HSPH1: variants seen among roughly 807,000 people sequenced by gnomAD.
HSPH1 encodes the protein heat shock protein family H (Hsp110) member 1.
In HSPH1, 40 loss-of-function variants were observed where a neutral mutation model predicts 100.0. The ratio of observed to expected loss-of-function variants is 0.40; its 90% CI spans 0.31 to 0.52. HSPH1 has a LOEUF of 0.52. Among genes scored for constraint, HSPH1 ranks in the 20% least tolerant of loss-of-function variants. HSPH1 has a pLI of 0.54. For missense variants in HSPH1, 876 were observed against 1,015.1 expected (o/e 0.86, Z 1.86); for synonymous variants, 403 against 344.0 (o/e 1.17, Z -1.90).
chr13:31,162,244 G>C (rs911672855), upstream of HSPH1: 13 of 744,588 alleles, frequency 1.7e-5, no homozygotes, highest in Non-Finnish European at 8.8e-6. Context: ...CCGGGAGGTG[G>C]TGTCCGATCC....
At position 31,154,613 on chromosome 13, in the gene HSPH1, C is replaced by T. The variant is rs773698327; in HGVS notation, c.429+20G>A. On this transcript the variant is annotated intron_variant, in intron 4 of 17. Coordinates refer to ENST00000320027, the MANE Select transcript of HSPH1 (RefSeq NM_006644.4). The stretch of plus-strand genomic sequence containing the variant: ...CGCAAAAATGAAATAAAACACACTG[C>T]CTTGCTGAATTATACTTACTGAAAT... 3.7e-6 allele frequency: 6 copies of T among 1,613,790 alleles called. No individual in the cohort carries two copies. Among genetic ancestry groups the T allele is most frequent in the South Asian group, 1.1e-5 (1 of 91,070 alleles).
At chr13:31,156,579 T>A (rs202243225) in intron 2 of HSPH1, among the ~76,000 whole-genome samples, 16 of 139,108 alleles carry the variant, frequency 1.2e-4, no homozygotes, top group African/African-American at 4.0e-4. Flanking sequence ...AAAAAAAAAA[T>A]TAAAGTTAAT....
At chr13:31,155,820 TTTTA>T (rs1328592844) in intron 2 of HSPH1, among the ~76,000 whole-genome samples, 166 bp from the exon 3 acceptor site, 3 of 152,316 alleles carry the variant, frequency 2.0e-5, no homozygotes, top group Admixed American at 2.0e-4. Context: ...TATGAACAGA[TTTTA>T]TTTATACTTT....
chr13:31,148,483 TAAA>T lies in HSPH1; in HGVS notation c.1138-6_1138-4del, dbSNP rs35594388. On this transcript the variant is annotated splice_polypyrimidine_tract_variant and splice_region_variant and intron_variant, in intron 8 of 17. Coordinates refer to ENST00000320027, the MANE Select transcript of HSPH1 (RefSeq NM_006644.4). The stretch of plus-strand genomic sequence containing the variant: ...AATGCCGGGGAAAGTATTGCACACT[TAAA>T]AAAAAAAAAAAAAATCATGAGCACA... 8,936 of 973,754 alleles carry T rather than the reference TAAA, an allele frequency of 9.2e-3. No homozygotes were observed. Among genetic ancestry groups the T allele is most frequent in the Non-Finnish European group, 0.01 (7,454 of 717,724 alleles). 60.3% of individuals were successfully genotyped at this position (973,754 alleles called of 1,614,324 possible).
rs1188310383 is a variant in HSPH1 at position 31,158,806 on chromosome 13, C to T, written c.165G>A (p.Gln55=). ...NRTIGVAAKN[Q]QITHANNTVS... ...ATCCGAATTCTCTTAAAGAACATAC[C>T]TGATTTTTGGCTGCAACTCCGATTG... Residue 55 remains glutamine, a splice_region_variant and synonymous_variant, in exon 2 of 18, where the codon CAG becomes CAA. Transcript: ENST00000320027. 2 of 1,597,900 alleles carry T rather than the reference C, an allele frequency of 1.3e-6. No individual in the cohort carries two copies. Among genetic ancestry groups the T allele is most frequent in the South Asian group, 2.2e-5 (2 of 90,782 alleles).
intron 1 of HSPH1, among the ~76,000 whole-genome samples, chr13:31,161,106 C>T (rs895297336): frequency 6.6e-6 from 1 of 152,172 alleles, no homozygotes; most frequent in South Asian, 2.1e-4. Context: ...CGGGGGCGGC[C>T]GCGGAAGGCG....
intron 11 of HSPH1, 35 bp from the exon 12 acceptor site, chr13:31,143,958 A>G: frequency 6.5e-7 from 1 of 1,547,698 alleles, no homozygotes; most frequent in Non-Finnish European, 8.7e-7. Context: ...GGATGTAGAA[A>G]GCAGGTGTAC....
chr13:31,148,360 T>C lies in HSPH1; in HGVS notation c.1244+14A>G. 1 of 1,416,478 alleles carries C rather than the reference T, an allele frequency of 7.1e-7. No individual in the cohort carries two copies. Among genetic ancestry groups the C allele is most frequent in the Non-Finnish European group, 9.9e-7 (1 of 1,009,384 alleles). 87.7% of individuals were successfully genotyped at this position (1,416,478 alleles called of 1,614,324 possible). On this transcript the variant is annotated intron_variant, in intron 9 of 17. Transcript: ENST00000320027. The stretch of plus-strand genomic sequence containing the variant: ...TTACATTATAGTATCTGAATGTTAT[T>C]TTCTGCTACATACCCTTCAGTATCT...
chr13:31,147,163 G>A (rs1800855638), intron 10 of HSPH1, among the ~76,000 whole-genome samples: 1 of 152,176 alleles, frequency 6.6e-6, no homozygotes, highest in Non-Finnish European at 1.5e-5. Flanking sequence ...CTTCCACACA[G>A]TAACGAGTTA....
rs1241652750 is a variant in HSPH1, at chr13:31,161,888, C to T, written c.-306G>A. ...GCCGCGGCTCGCACACCGGCGCCGG[C>T]GCTGAACTACCGACCCAAAAGGGGA... On this transcript the variant is annotated 5_prime_UTR_variant, in exon 1 of 18. Coordinates refer to ENST00000320027, the MANE Select transcript of HSPH1 (RefSeq NM_006644.4). 2.7e-6 allele frequency: 4 copies of T among 1,492,250 alleles called. No homozygotes were observed. Among genetic ancestry groups the T allele is most frequent in the Non-Finnish European group, 3.6e-6 (4 of 1,122,466 alleles). 92.4% of individuals were successfully genotyped at this position (1,492,250 alleles called of 1,614,324 possible). A position where few individuals can be genotyped will look rare whatever the true frequency, so the allele number is the denominator to read the frequency against.
chr13:31,161,242 T>TG (rs1956895914), intron 1 of HSPH1, among the ~76,000 whole-genome samples: 1 of 152,146 alleles, frequency 6.6e-6, no homozygotes, highest in Non-Finnish European at 1.5e-5. Context: ...GTCTCGACTC[T>TG]GGGACTCCTC....
In HSPH1 at chr13:31,138,038, T is replaced by A. The variant is rs148885179; in HGVS notation, c.2370+369A>T. 1.7e-3 allele frequency among the ~76,000 whole-genome samples: 260 copies of A among 152,232 alleles called. 1 individual carries two copies. Among genetic ancestry groups the A allele is most frequent in the African/African-American group, 6.0e-3 (250 of 41,552 alleles). On this transcript the variant is annotated intron_variant, in intron 17 of 17. Transcript: ENST00000320027. ...CCTTTTTCCTTACTTTGTTTCCCTA[T>A]AGCACTTAACATCTCTGATAGATGA...
At position 31,148,514 on chromosome 13, in the gene HSPH1, A is replaced by C. The variant is rs867730709; in HGVS notation, c.1138-34T>G. On this transcript the variant is annotated intron_variant, in intron 8 of 17. Transcript: ENST00000320027. ...AAAAAAAAAAAATCATGAGCACATG[A>C]ACACTTCCCAGTCATCTTTTAATAT... The C allele has an allele frequency of 7.0e-6, 6 of 855,600 alleles. No individual in the cohort carries two copies. The Middle Eastern group carries it at 7.4e-4, about 105-fold the overall frequency. 53.0% of individuals were successfully genotyped at this position (855,600 alleles called of 1,614,324 possible). A position where few individuals can be genotyped will look rare whatever the true frequency, so the allele number is the denominator to read the frequency against.
intron 1 of HSPH1, 57 bp downstream of exon 1, chr13:31,161,419 T>C (rs1428070812): frequency 2.5e-6 from 4 of 1,595,410 alleles, no homozygotes; most frequent in African/African-American, 2.7e-5. Context: ...CGATCTTGGG[T>C]CCCCACACTA....
chr13:31,137,662 T>C, intron 17 of HSPH1, 138 bp from the exon 18 acceptor site: 1 of 664,072 alleles, frequency 1.5e-6, no homozygotes, highest in Non-Finnish European at 2.5e-6. Flanking sequence ...CTCATTACAC[T>C]TGCCCCAAAC....
chr13:31,161,880 G>T lies in HSPH1; in HGVS notation c.-298C>A, dbSNP rs576965805. The T allele has an allele frequency of 3.7e-5, 55 of 1,486,644 alleles. No homozygotes were observed. In the African/African-American group the frequency reaches 7.2e-4, roughly 20 times the overall value. The allele number at this position is 1,486,644 out of a possible 1,614,324, so 92.1% of individuals were successfully genotyped here. A position where few individuals can be genotyped will look rare whatever the true frequency, so the allele number is the denominator to read the frequency against. Reference sequence around the variant, plus strand: ...CTCACTCTGCCGCGGCTCGCACACCGGCGCCGGCGCTGAACTACCGACCCA... The same window carrying T: ...CTCACTCTGCCGCGGCTCGCACACCTGCGCCGGCGCTGAACTACCGACCCA... On this transcript the variant is annotated 5_prime_UTR_variant, in exon 1 of 18. Coordinates refer to ENST00000320027, the MANE Select transcript of HSPH1 (RefSeq NM_006644.4).
chr13:31,162,007 T>C, upstream of HSPH1: 1 of 1,536,128 alleles, frequency 6.5e-7, no homozygotes, highest in Non-Finnish European at 8.7e-7. Flanking sequence ...CCCCTCCACG[T>C]GCCACTTCCG....
Position 31,152,743 on chromosome 13 carries a change from C to T in HSPH1, c.529+109G>A, listed in dbSNP as rs1241577572. 17 of 733,416 alleles carry T rather than the reference C, an allele frequency of 2.3e-5. No individual in the cohort carries two copies. In the East Asian group the frequency reaches 3.0e-4, roughly 13 times the overall value. The allele number at this position is 733,416 out of a possible 1,614,324, so 45.4% of individuals were successfully genotyped here. On this transcript the variant is annotated intron_variant, in intron 5 of 17. Coordinates refer to ENST00000320027, the MANE Select transcript of HSPH1 (RefSeq NM_006644.4). ...GGTAGACTTTTGTTTTCAAATCTGA[C>T]TTGACTTTTTAACAGGCTGTGTTTC...
intron 1 of HSPH1, among the ~76,000 whole-genome samples, chr13:31,160,304 G>A (rs1236989447): frequency 1.3e-5 from 2 of 152,112 alleles, no homozygotes; most frequent in East Asian, 1.9e-4. Context: ...AGGGGTAGAC[G>A]TACAGGTTGC....
Sources: allele counts gnomAD v4.1 joint callset (sites outside exome capture counted in the v4.1 genomes callset), GRCh38; gene constraint gnomAD v4.1.1; transcripts MANE v1.5; gene names NCBI Gene and HGNC (gene_info 2026-07-23, HGNC 2026-07-21).